Variants in SYTL2 observed in about 807,000 individuals in gnomAD.
SYTL2 encodes synaptotagmin like 2.
A neutral mutation model predicts 198.7 loss-of-function variants in SYTL2; 165 were observed. The observed-to-expected ratio is 0.83, with a 90% confidence interval of 0.73 to 0.94. The LOEUF is 0.94. Among genes scored for constraint, SYTL2 ranks in the 40% least tolerant of loss-of-function variants. SYTL2 has a pLI of 0.00. For synonymous variants in SYTL2, 966 were observed against 917.7 expected (o/e 1.05, Z -0.95); for missense variants, 2,835 against 2,582.8 (o/e 1.10, Z -2.12).
At chr11:85,707,852 G>C (rs1004017328) in intron 14 of SYTL2, among the ~76,000 whole-genome samples, 7 of 146,474 alleles carry the variant, frequency 4.8e-5, no homozygotes, top group East Asian at 4.1e-4. Context: ...GCTCACACCT[G>C]TAATCCCAGC....
At chr11:85,800,257 G>A (rs2092866413) in intron 1 of SYTL2, among the ~76,000 whole-genome samples, 1 of 152,068 alleles carries the variant, frequency 6.6e-6, no homozygotes, top group African/African-American at 2.4e-5. Flanking sequence ...AGGTTCAAAG[G>A]TCTAGTATTC....
At chr11:85,790,333 T>A (rs2092711061) in intron 1 of SYTL2, among the ~76,000 whole-genome samples, 1 of 152,152 alleles carries the variant, frequency 6.6e-6, no homozygotes, top group African/African-American at 2.4e-5. Context: ...CCTAATATAA[T>A]ATCAAGAGAC....
At position 85,737,638 on chromosome 11, in the gene SYTL2, T is replaced by C. The variant is rs1591822455; in HGVS notation, c.408A>G (p.Pro136=). The change falls in exon 5 of 20, where the codon CCA becomes CCG. Residue 136 remains proline, a synonymous_variant. Coordinates refer to ENST00000359152, the MANE Select transcript of SYTL2 (RefSeq NM_206927.4). Reference sequence around the variant, plus strand: ...GGGACATATCAATCACACTGGAAGCTGGATTTACCACACTGGAACTGCAAA... The same window carrying C: ...GGGACATATCAATCACACTGGAAGCCGGATTTACCACACTGGAACTGCAAA... ...PASPSSSVVN[P]ASSVIDMSQE... 6.2e-7 allele frequency: 1 copy of C among 1,613,756 alleles called. No homozygotes were observed. Among genetic ancestry groups the C allele is most frequent in the Admixed American group, 1.7e-5 (1 of 60,026 alleles).
At chr11:85,838,868 C>T in the SYTL2 span, among the ~76,000 whole-genome samples, 2 of 152,172 alleles carry the variant, frequency 1.3e-5, no homozygotes, top group Non-Finnish European at 1.5e-5. Context: ...AAACCAACAG[C>T]ACAATCAAGA....
chr11:85,834,469 TTAAAA>T, the SYTL2 span, among the ~76,000 whole-genome samples: 1 of 152,144 alleles, frequency 6.6e-6, no homozygotes, highest in Non-Finnish European at 1.5e-5. Context: ...AGCCCTTATC[TTAAAA>T]TGTTTATTAC....
intron 6 of SYTL2, among the ~76,000 whole-genome samples, chr11:85,735,221 A>G (rs998013150): frequency 1.8e-4 from 27 of 152,230 alleles, no homozygotes; most frequent in African/African-American, 6.3e-4. Context: ...AATAACGTCT[A>G]TTCGAAAAAT....
chr11:85,750,917 C>A (rs2091473259), intron 2 of SYTL2, among the ~76,000 whole-genome samples: 1 of 152,084 alleles, frequency 6.6e-6, no homozygotes, highest in African/African-American at 2.4e-5. Flanking sequence ...AGAACAACAC[C>A]CAATTTCTTT....
chr11:85,819,687 T>C, the SYTL2 span, among the ~76,000 whole-genome samples: 1 of 152,220 alleles, frequency 6.6e-6, no homozygotes, highest in East Asian at 1.9e-4. Context: ...TGGAAGCATG[T>C]TTCATCAGGG....
the SYTL2 span, among the ~76,000 whole-genome samples, chr11:85,833,101 A>T: frequency 2.2e-5 from 1 of 44,712 alleles, no homozygotes; most frequent in Non-Finnish European, 4.8e-5. Flanking sequence ...GAAAGAAAGA[A>T]GGAAGGAAGG....
chr11:85,714,307 T>C (rs777004250), intron 12 of SYTL2, 106 bp downstream of exon 12: 5 of 886,588 alleles, frequency 5.6e-6, no homozygotes, highest in Non-Finnish European at 7.3e-6. Flanking sequence ...CCAGTCCTTC[T>C]GACCTCTTTG....
chr11:85,789,748 G>C lies in SYTL2; in HGVS notation c.-390+21206C>G, dbSNP rs139909857. ...AAACTTCAGCTTAGAAAGAACAAGG[G>C]ATGTAAACCCAGGATCAACAGATTC... On this transcript the variant is annotated intron_variant, in intron 1 of 19. Transcript: ENST00000359152. 5.4e-3 allele frequency among the ~76,000 whole-genome samples: 822 copies of C among 152,078 alleles called. 6 individuals are homozygous for C. Among genetic ancestry groups the C allele is most frequent in the Non-Finnish European group, 9.6e-3 (654 of 68,002 alleles).
chr11:85,802,655 G>A (rs1035863756), intron 1 of SYTL2, among the ~76,000 whole-genome samples: 7 of 152,160 alleles, frequency 4.6e-5, no homozygotes, highest in South Asian at 2.1e-4. Flanking sequence ...AGGAAAGAAA[G>A]AGAAGGGAAG....
chr11:85,813,932 T>A (rs1464354087), upstream of SYTL2, among the ~76,000 whole-genome samples: 1 of 152,136 alleles, frequency 6.6e-6, no homozygotes, highest in African/African-American at 2.4e-5. Context: ...AATGTTGACC[T>A]CTTGAGCTGA....
intron 18 of SYTL2, 97 bp downstream of exon 18, chr11:85,697,882 T>C: frequency 2.9e-6 from 2 of 690,356 alleles, no homozygotes; most frequent in South Asian, 3.8e-5. Context: ...ATTTAAATTA[T>C]GAATGATGAG....
chr11:85,748,325 T>C lies in SYTL2; in HGVS notation c.200A>G (p.His67Arg), dbSNP rs747497621. 8.7e-6 allele frequency: 14 copies of C among 1,613,954 alleles called. No individual in the cohort carries two copies. Among genetic ancestry groups the C allele is most frequent in the African/African-American group, 4.0e-5 (3 of 74,928 alleles). The stretch of plus-strand genomic sequence containing the variant: ...AGATGCTCTGATGATATCTGCGCCA[T>C]GGATTTTGTCCCTGTGCCTTTTTGC... ...AKAKRHRDKIHGADIIRASMR... is the reference protein window; with the variant it reads ...AKAKRHRDKIRGADIIRASMR... The change falls in exon 3 of 20, where the codon CAT (histidine) becomes CGT (arginine). Residue 67 changes from histidine to arginine, a missense_variant. Transcript: ENST00000359152.
rs577112833 is a variant in SYTL2, at chr11:85,700,400, C to T, written c.6268+115G>A. Reference sequence around the variant, plus strand: ...TGTGAATAGACTCATTTGGTCTATACGTTACTAACTTGATAAGTTTCTTTA... The same window carrying T: ...TGTGAATAGACTCATTTGGTCTATATGTTACTAACTTGATAAGTTTCTTTA... On this transcript the variant is annotated intron_variant, in intron 17 of 19. Transcript: ENST00000359152. The T allele has an allele frequency of 8.6e-5, 64 of 745,908 alleles. No individual in the cohort carries two copies. The East Asian group carries it at 1.3e-3, about 15-fold the overall frequency. The allele number at this position is 745,908 out of a possible 1,614,324, so 46.2% of individuals were successfully genotyped here. A position where few individuals can be genotyped will look rare whatever the true frequency, so the allele number is the denominator to read the frequency against.
At chr11:85,714,598 T>C (rs2086856524) in intron 11 of SYTL2, 91 bp from the exon 12 acceptor site, 2 of 1,503,520 alleles carry the variant, frequency 1.3e-6, no homozygotes, top group Non-Finnish European at 1.8e-6. Context: ...ATTTAATCTA[T>C]GAACAAACAT....
the SYTL2 span, among the ~76,000 whole-genome samples, chr11:85,830,741 G>A: frequency 1.1e-4 from 16 of 152,148 alleles, no homozygotes; most frequent in Non-Finnish European, 2.2e-4. Context: ...TTCCTTCAGC[G>A]TCCTTACAGC....
chr11:85,823,450 T>C, the SYTL2 span, among the ~76,000 whole-genome samples: 4 of 152,228 alleles, frequency 2.6e-5, no homozygotes, highest in Admixed American at 6.5e-5. Context: ...TTTACAAATT[T>C]CTAAGGCAAG....
Sources: gnomAD v4.1 joint callset for allele counts (sites outside exome capture counted in the v4.1 genomes callset) on GRCh38, gnomAD v4.1.1 for gene constraint, MANE v1.5 for transcripts, NCBI Gene and HGNC (gene_info 2026-07-23, HGNC 2026-07-21) for gene names.